PTPRG: variants seen among roughly 807,000 people sequenced by gnomAD.
PTPRG encodes receptor-type tyrosine-protein phosphatase gamma.
In PTPRG, 102 loss-of-function variants were observed where a neutral mutation model predicts 165.3. That is an observed-to-expected ratio of 0.62 (90% CI 0.53 to 0.73). The LOEUF is 0.73. Ranked by LOEUF, PTPRG falls within the 30% of genes least tolerant of loss-of-function variation. The probability of loss-of-function intolerance (pLI) is 0.00; values close to 1 mark genes in which losing one functional copy is unlikely to be tolerated. For missense variants in PTPRG, 1,866 were observed against 1,861.4 expected, an observed-to-expected ratio of 1.00 and a Z score of -0.05; for synonymous variants, 675 against 669.5, an observed-to-expected ratio of 1.01 and a Z score of -0.13.
chr3:62,071,163 T>C (rs536432198), intron 4 of PTPRG, among the ~76,000 whole-genome samples: 1 of 152,258 alleles, frequency 6.6e-6, no homozygotes, highest in African/African-American at 2.4e-5. Context: ...ATTGAGTCGT[T>C]CAGTAGATTG....
intron 2 of PTPRG, among the ~76,000 whole-genome samples, chr3:61,896,006 G>A (rs1163347305): frequency 6.6e-6 from 1 of 152,152 alleles, no homozygotes; most frequent in Non-Finnish European, 1.5e-5. Flanking sequence ...TATTGATATG[G>A]ATATAGTCCA....
chr3:61,724,433 T>A (rs1394530007), intron 1 of PTPRG, among the ~76,000 whole-genome samples: 2 of 152,120 alleles, frequency 1.3e-5, no homozygotes, highest in Non-Finnish European at 2.9e-5. Flanking sequence ...TCCTAGCTGC[T>A]ACAAAGTCAA....
intron 2 of PTPRG, chr3:61,750,741 T>C (rs1294870637): frequency 2.0e-5 from 3 of 152,240 alleles, no homozygotes; most frequent in Non-Finnish European, 2.9e-5. Context: ...AATTTACTTA[T>C]GAATACTGGA....
rs925223942 is a variant in PTPRG, at chr3:61,884,523, C to T, written c.191-105102C>T. 2.0e-5 allele frequency among the ~76,000 whole-genome samples: 3 copies of T among 152,236 alleles called. No individual in the cohort carries two copies. In the East Asian group the frequency reaches 5.8e-4, roughly 29 times the overall value. The stretch of plus-strand genomic sequence containing the variant: ...AAGAAAAGACTATGGAAGTTCTTTT[C>T]AAGATTGCATTTAAGGTGAATCAAG... On this transcript the variant is annotated intron_variant, in intron 2 of 29. Coordinates refer to ENST00000474889, the MANE Select transcript of PTPRG (RefSeq NM_002841.4).
intron 2 of PTPRG, among the ~76,000 whole-genome samples, chr3:61,797,894 G>C (rs1236273336): frequency 6.9e-6 from 1 of 145,634 alleles, no homozygotes; most frequent in Non-Finnish European, 1.5e-5. Flanking sequence ...AAGAGTGGGA[G>C]AGAAGGAGAA....
intron 1 of PTPRG, among the ~76,000 whole-genome samples, chr3:61,636,305 C>G (rs1162518698): frequency 2.0e-5 from 3 of 152,106 alleles, no homozygotes; most frequent in Non-Finnish European, 4.4e-5. Context: ...CGAAAGAAAC[C>G]TTATACCCAT....
In PTPRG at chr3:62,218,802, C is replaced by T. The variant is rs759051976; in HGVS notation, c.2156-49C>T. 39 of 1,572,684 alleles carry T rather than the reference C, an allele frequency of 2.5e-5. No homozygotes were observed. In the Admixed American group the frequency reaches 3.3e-4, roughly 13 times the overall value. On this transcript the variant is annotated intron_variant, in intron 12 of 29. Coordinates refer to ENST00000474889, the MANE Select transcript of PTPRG (RefSeq NM_002841.4). ...CAGAACTCTGCATCAATTCTGGCTC[C>T]CACCTCCACTAACCTCTGTCCTCTA...
chr3:62,191,126 C>T (rs548641670), intron 8 of PTPRG, among the ~76,000 whole-genome samples: 5 of 148,332 alleles, frequency 3.4e-5, no homozygotes, highest in Admixed American at 6.7e-5. Context: ...CACATGTGTG[C>T]GTGTGTGCGT....
intron 3 of PTPRG, among the ~76,000 whole-genome samples, chr3:61,998,729 C>T (rs184911874): frequency 6.6e-6 from 1 of 152,344 alleles, no homozygotes; most frequent in African/African-American, 2.4e-5. Context: ...CCAGCTTCTT[C>T]TACTGTCTCC....
chr3:61,871,288 C>G (rs2037575573), intron 2 of PTPRG, among the ~76,000 whole-genome samples: 1 of 151,878 alleles, frequency 6.6e-6, no homozygotes, highest in Non-Finnish European at 1.5e-5. Flanking sequence ...AGTGCAGTGG[C>G]ACAGTCACAA....
In PTPRG at chr3:61,941,042, T is replaced by C. The variant is rs909052778; in HGVS notation, c.191-48583T>C. Among the ~76,000 whole-genome samples, 9 of 152,236 alleles carry C rather than the reference T, an allele frequency of 5.9e-5. No homozygotes were observed. The South Asian group carries it at 1.0e-3, about 17-fold the overall frequency. ...TGATCCCAACAGCAGCCATTACTTA[T>C]TGACTCTTCTTAGGCAAGTTAATTT... On this transcript the variant is annotated intron_variant, in intron 2 of 29. Coordinates refer to ENST00000474889, the MANE Select transcript of PTPRG (RefSeq NM_002841.4).
chr3:61,706,717 T>G (rs1354270125), intron 1 of PTPRG, among the ~76,000 whole-genome samples: 1 of 152,094 alleles, frequency 6.6e-6, no homozygotes, highest in East Asian at 1.9e-4. Flanking sequence ...CTCGAACTCC[T>G]GACCTCAGGT....
intron 12 of PTPRG, among the ~76,000 whole-genome samples, chr3:62,215,558 C>CT (rs57970820): frequency 2.8e-5 from 4 of 143,728 alleles, no homozygotes; most frequent in African/African-American, 1.0e-4. Context: ...CCCCCCCCCC[C>CT]GCCAATTATT....
intron 12 of PTPRG, among the ~76,000 whole-genome samples, chr3:62,206,585 G>C (rs897671099): frequency 6.6e-6 from 1 of 152,032 alleles, no homozygotes; most frequent in Non-Finnish European, 1.5e-5. Context: ...CCTTTCCTTT[G>C]CTATTGTCTG....
At chr3:61,795,831 T>C (rs529747763) in intron 2 of PTPRG, among the ~76,000 whole-genome samples, 1 of 152,192 alleles carries the variant, frequency 6.6e-6, no homozygotes, top group East Asian at 1.9e-4. Flanking sequence ...CCCACCCCCA[T>C]TACAAAGTGG....
At chr3:62,187,845 C>G (rs1025696041) in intron 8 of PTPRG, among the ~76,000 whole-genome samples, 1 of 152,204 alleles carries the variant, frequency 6.6e-6, no homozygotes, top group Admixed American at 6.5e-5. Flanking sequence ...TGCTCCTCCT[C>G]TCGTGTAATC....
chr3:61,789,276 A>T (rs990287632), intron 2 of PTPRG, among the ~76,000 whole-genome samples: 1 of 151,820 alleles, frequency 6.6e-6, no homozygotes, highest in Middle Eastern at 3.2e-3. Flanking sequence ...ATTTTTTAAA[A>T]TTTTTTGTAG....
chr3:62,056,514 A>G (rs1700640374), intron 4 of PTPRG, among the ~76,000 whole-genome samples: 1 of 152,188 alleles, frequency 6.6e-6, no homozygotes, highest in African/African-American at 2.4e-5. Flanking sequence ...AAAAGATTGG[A>G]CACCCCTGGT....
rs1192859214 is a variant in PTPRG at position 61,792,497 on chromosome 3, A to G, written c.190+43515A>G. 5.3e-5 allele frequency among the ~76,000 whole-genome samples: 8 copies of G among 152,050 alleles called. No individual in the cohort carries two copies. The South Asian group carries it at 1.5e-3, about 28-fold the overall frequency. On this transcript the variant is annotated intron_variant, in intron 2 of 29. Transcript: ENST00000474889. ...CCTCCTTGGCCTCCTAAATGGCTTT[A>G]CTTCTCCGTTGAGCCTACACTTAGT...
Sources: gnomAD v4.1 joint callset for allele counts (sites outside exome capture counted in the v4.1 genomes callset) on GRCh38, gnomAD v4.1.1 for gene constraint, MANE v1.5 for transcripts, NCBI Gene and HGNC (gene_info 2026-07-23, HGNC 2026-07-21) for gene names.